Variants in NF2 observed in about 807,000 individuals in gnomAD.
NF2 encodes the protein NF2, moesin-ezrin-radixin like (MERLIN) tumor suppressor.
NF2 carries 8 observed loss-of-function variants against 83.7 expected under a neutral mutation model. That is an observed-to-expected ratio of 0.10 (90% CI 0.06 to 0.17). The LOEUF (loss-of-function observed/expected upper bound fraction) is 0.17, where lower values mean the gene tolerates loss of function less well. NF2 is among the 10% of genes least tolerant of loss of function. The probability of loss-of-function intolerance (pLI) is 1.00; values close to 1 mark genes in which losing one functional copy is unlikely to be tolerated. For synonymous variants in NF2, 266 were observed against 269.6 expected (o/e 0.99, Z 0.13); for missense variants, 533 against 744.4 (o/e 0.72, Z 3.31).
intron 1 of NF2, among the ~76,000 whole-genome samples, chr22:29,607,836 T>C (rs1053701376): frequency 6.6e-6 from 1 of 152,044 alleles, no homozygotes; most frequent in Non-Finnish European, 1.5e-5. Context: ...CATAAAGATA[T>C]AGAAATTATA....
intron 13 of NF2, among the ~76,000 whole-genome samples, chr22:29,675,501 C>T (rs967832746): frequency 4.7e-5 from 7 of 148,256 alleles, no homozygotes; most frequent in South Asian, 2.1e-4. Context: ...CATATTTGTT[C>T]AGTGTCCACA....
intron 4 of NF2, among the ~76,000 whole-genome samples, chr22:29,649,791 A>G (rs1177407617): frequency 1.3e-5 from 2 of 151,726 alleles, no homozygotes; most frequent in African/African-American, 2.4e-5. Context: ...AAAAAAAAAA[A>G]GAAAAAATGA....
intron 4 of NF2, among the ~76,000 whole-genome samples, chr22:29,649,574 A>G (rs1235197740): frequency 6.6e-6 from 1 of 152,068 alleles, no homozygotes; most frequent in Admixed American, 6.6e-5. Context: ...AAAACAAAAC[A>G]AAAGACAAAA....
chr22:29,687,915 CTG>C, intron 15 of NF2, among the ~76,000 whole-genome samples: 1 of 152,320 alleles, frequency 6.6e-6, no homozygotes, highest in East Asian at 1.9e-4. Flanking sequence ...CCTCCTGGCT[CTG>C]TGGAAGCCCA....
chr22:29,622,981 T>C (rs1309828089), intron 1 of NF2, among the ~76,000 whole-genome samples: 1 of 109,136 alleles, frequency 9.2e-6, no homozygotes, highest in Non-Finnish European at 1.8e-5. Context: ...TTTTTCGAGA[T>C]GGGGTCTCAC....
rs1345389201 is a variant in NF2, at chr22:29,668,544, G to A, written c.999+98G>A. 7 of 845,984 alleles carry A rather than the reference G, an allele frequency of 8.3e-6. No homozygotes were observed. In the African/African-American group the frequency reaches 8.4e-5, roughly 10 times the overall value. The allele number at this position is 845,984 out of a possible 1,614,324, so 52.4% of individuals were successfully genotyped here. The stretch of plus-strand genomic sequence containing the variant: ...ATGGGCTGGCAGGAGTCTTTTGGCC[G>A]TGGACATACCTGCTCTTGTTTTATA... On this transcript the variant is annotated intron_variant, in intron 10 of 15. Coordinates refer to ENST00000338641, the MANE Select transcript of NF2 (RefSeq NM_000268.4).
intron 6 of NF2, among the ~76,000 whole-genome samples, chr22:29,657,629 GT>G (rs2066351988): frequency 6.6e-6 from 1 of 152,186 alleles, no homozygotes; most frequent in African/African-American, 2.4e-5. Context: ...CTGTTTGGGA[GT>G]TTTCTGCAAG....
Position 29,643,309 on chromosome 22 carries a change from T to A in NF2, c.447+1024T>A, listed in dbSNP as rs746733948. Among the ~76,000 whole-genome samples the A allele has an allele frequency of 5.3e-3, 799 of 151,526 alleles. 5 individuals carry two copies. Among genetic ancestry groups the A allele is most frequent in the Non-Finnish European group, 7.4e-3 (503 of 67,838 alleles). On this transcript the variant is annotated intron_variant, in intron 4 of 15. Coordinates refer to ENST00000338641, the MANE Select transcript of NF2 (RefSeq NM_000268.4). ...CTTGTGTGATTTTTTTTTTTTTTTT[T>A]ATTGATCATTCTTGGGTGTTTCTCA...
chr22:29,654,054 A>C (rs1287959848), intron 4 of NF2, among the ~76,000 whole-genome samples: 1 of 152,188 alleles, frequency 6.6e-6, no homozygotes, highest in Non-Finnish European at 1.5e-5. Flanking sequence ...ATTAAAATGC[A>C]GGGCCTATTT....
At chr22:29,653,750 A>T (rs1476671758) in intron 4 of NF2, among the ~76,000 whole-genome samples, 2 of 152,180 alleles carry the variant, frequency 1.3e-5, no homozygotes, top group African/African-American at 2.4e-5. Context: ...ATATAGAAAC[A>T]GCAGCCTTGT....
intron 11 of NF2, 92 bp downstream of exon 11, chr22:29,672,040 G>A (rs2147075527): frequency 6.3e-7 from 1 of 1,581,340 alleles, no homozygotes; most frequent in Non-Finnish European, 8.7e-7. Context: ...TGAGTTAGCA[G>A]CGTTTGCTTT....
chr22:29,680,521 G>A (rs2067100059), intron 14 of NF2, among the ~76,000 whole-genome samples: 1 of 152,226 alleles, frequency 6.6e-6, no homozygotes, highest in Non-Finnish European at 1.5e-5. Flanking sequence ...CAATCCCTAT[G>A]GAGTGTTTTT....
intron 1 of NF2, among the ~76,000 whole-genome samples, chr22:29,621,601 A>G (rs1178456200): frequency 6.6e-6 from 1 of 152,056 alleles, no homozygotes; most frequent in Non-Finnish European, 1.5e-5. Context: ...TGGGAGGTCG[A>G]GGTTGCCATA....
chr22:29,650,637 G>GCTCCCCTCCC (rs2066122623), intron 4 of NF2, among the ~76,000 whole-genome samples: 1 of 128,128 alleles, frequency 7.8e-6, no homozygotes, highest in Non-Finnish European at 1.6e-5. Context: ...TCTCCCCTTT[G>GCTCCCCTCCC]CTCCCCTCCC....
intron 7 of NF2, among the ~76,000 whole-genome samples, chr22:29,660,189 T>C (rs1284244392): frequency 1.3e-5 from 2 of 152,134 alleles, no homozygotes; most frequent in African/African-American, 4.8e-5. Context: ...ACTCAGTCCG[T>C]CGCAGGTTCA....
At chr22:29,620,907 C>A (rs575280038) in intron 1 of NF2, among the ~76,000 whole-genome samples, 1 of 152,274 alleles carries the variant, frequency 6.6e-6, no homozygotes, top group Non-Finnish European at 1.5e-5. Flanking sequence ...CACCTCCTAG[C>A]AGTGATCAAG....
intron 6 of NF2, 40 bp downstream of exon 6, chr22:29,655,716 CTTTTTTT>C: frequency 8.5e-7 from 1 of 1,182,464 alleles, no homozygotes; most frequent in Non-Finnish European, 1.2e-6. Context: ...CCTTTATGGG[CTTTTTTT>C]TTTTTTTTTG....
chr22:29,628,341 T>A (rs1601563407), intron 1 of NF2, among the ~76,000 whole-genome samples: 1 of 152,158 alleles, frequency 6.6e-6, no homozygotes, highest in East Asian at 1.9e-4. Context: ...GACAAAGGGA[T>A]AGATCTTAGA....
intron 10 of NF2, among the ~76,000 whole-genome samples, chr22:29,671,035 C>T (rs1236742143): frequency 6.6e-6 from 1 of 152,120 alleles, no homozygotes; most frequent in Non-Finnish European, 1.5e-5. Flanking sequence ...TTGATGAAAT[C>T]AGAGATGTGA....
Sources: gnomAD v4.1 joint callset for allele counts (sites outside exome capture counted in the v4.1 genomes callset) on GRCh38, gnomAD v4.1.1 for gene constraint, MANE v1.5 for transcripts, NCBI Gene and HGNC (gene_info 2026-07-23, HGNC 2026-07-21) for gene names.